DMBX1: variants seen among roughly 807,000 people sequenced by gnomAD.
DMBX1 encodes diencephalon/mesencephalon homeobox protein 1.
Under a neutral mutation model 30.4 loss-of-function variants are expected in DMBX1, and 7 were observed. The observed-to-expected ratio is 0.23, with a 90% CI of 0.13 to 0.43. DMBX1 has a LOEUF of 0.43. Ranked by LOEUF, DMBX1 falls within the 20% of genes least tolerant of loss-of-function variation. The pLI, the probability that DMBX1 is intolerant of heterozygous loss-of-function variation, is 1.00. For missense variants in DMBX1, 460 were observed against 508.5 expected, an observed-to-expected ratio of 0.90 and a Z score of 0.92; for synonymous variants, 222 against 214.2, an observed-to-expected ratio of 1.04 and a Z score of -0.32.
At chr1:46,511,379 A>G (rs1666368101) in intron 5 of DMBX1, 96 bp downstream of exon 5, 2 of 1,302,446 alleles carry the variant, frequency 1.5e-6, no homozygotes, top group South Asian at 1.6e-5. Flanking sequence ...CCTCAGGGGC[A>G]TGGCGCATCA....
At chr1:46,503,870 C>G (rs1325394425) in intron 2 of DMBX1, among the ~76,000 whole-genome samples, 1 of 152,190 alleles carries the variant, frequency 6.6e-6, no homozygotes, top group Non-Finnish European at 1.5e-5. Flanking sequence ...GATGCGGAGT[C>G]AATTCCAAAA....
Position 46,512,320 on chromosome 1 carries a change from A to C in DMBX1, c.960A>C (p.Ser320=). The C allele has an allele frequency of 6.2e-7, 1 of 1,613,670 alleles. No individual in the cohort carries two copies. Among genetic ancestry groups the C allele is most frequent in the Non-Finnish European group, 8.5e-7 (1 of 1,179,904 alleles). The change falls in exon 6 of 6, where the codon TCA becomes TCC. Residue 320 remains serine, a synonymous_variant. Coordinates refer to ENST00000360032, the MANE Select transcript of DMBX1 (RefSeq NM_172225.2). The surrounding 1 kb of genome is among the most constrained non-coding windows in gnomAD (Gnocchi z 4.8). ...GCCAGTCCTACTACCAGTCCCTGTC[A>C]GCAGCCGCTGCTGCCCACCAGGGTG... The part of the protein sequence containing the change: ...LHCQSYYQSL[S]AAAAAHQGVW...
intron 3 of DMBX1, among the ~76,000 whole-genome samples, chr1:46,508,054 A>T (rs1666274436): frequency 6.8e-6 from 1 of 146,624 alleles, no homozygotes; most frequent in Non-Finnish European, 1.5e-5. Context: ...GGTGGGTGAG[A>T]AAAGGATTCA....
intron 2 of DMBX1, among the ~76,000 whole-genome samples, chr1:46,503,631 G>T (rs12071150): frequency 6.6e-6 from 1 of 152,158 alleles, no homozygotes; most frequent in African/African-American, 2.4e-5. Flanking sequence ...GAATGTCTGC[G>T]TACGTGTATT....
In DMBX1 at chr1:46,491,064, T is replaced by C. The variant is rs1665920234; in HGVS notation, c.-13+281T>C. 6.6e-6 allele frequency among the ~76,000 whole-genome samples: 1 copy of C among 152,242 alleles called. No homozygotes were observed. Among genetic ancestry groups the C allele is most frequent in the African/African-American group, 2.4e-5 (1 of 41,472 alleles). On this transcript the variant is annotated intron_variant, in intron 2 of 5. Transcript: ENST00000360032. This position sits in a 1 kb window ranked among gnomAD's most constrained non-coding sequence, Gnocchi z 5.5. ...GTGCAGGGTCCCGGGCACCACCGGC[T>C]GAACTTTCTGGCGGTCACAAATTCC...
In DMBX1 at chr1:46,493,831, C is replaced by T. The variant is rs1665978638; in HGVS notation, c.-13+3048C>T. On this transcript the variant is annotated intron_variant, in intron 2 of 5. Coordinates refer to ENST00000360032, the MANE Select transcript of DMBX1 (RefSeq NM_172225.2). The surrounding 1 kb of genome is among the most constrained non-coding windows in gnomAD (Gnocchi z 4.1). The stretch of plus-strand genomic sequence containing the variant: ...CTGCGCCCGCAGGACAGACCCTCCT[C>T]CGAGTTCCTCCAGCCGTTTGGAGGC... Among the ~76,000 whole-genome samples, 1 of 152,254 alleles carries T rather than the reference C, an allele frequency of 6.6e-6. No individual in the cohort carries two copies.
intron 2 of DMBX1, among the ~76,000 whole-genome samples, chr1:46,499,720 C>T (rs892027073): frequency 2.6e-5 from 4 of 152,026 alleles, no homozygotes; most frequent in East Asian, 1.9e-4. Flanking sequence ...GGGCTGGGGG[C>T]GGGGTGGGTG....
At chr1:46,496,694 C>T (rs1171258683) in intron 2 of DMBX1, among the ~76,000 whole-genome samples, 1 of 152,188 alleles carries the variant, frequency 6.6e-6, no homozygotes, top group Non-Finnish European at 1.5e-5. Context: ...CCTTTTCGGC[C>T]TCCTTCACAC....
intron 2 of DMBX1, among the ~76,000 whole-genome samples, chr1:46,492,282 C>G (rs1486935857): frequency 6.6e-6 from 1 of 152,272 alleles, no homozygotes; most frequent in Non-Finnish European, 1.5e-5. Flanking sequence ...GTCCTAGCCA[C>G]TTTCACATGC....
chr1:46,501,447 A>AT (rs900521038), intron 2 of DMBX1, among the ~76,000 whole-genome samples: 23 of 149,988 alleles, frequency 1.5e-4, no homozygotes, highest in African/African-American at 5.7e-4. Context: ...CACCCGGCTA[A>AT]TTTTTTGTAT....
intron 2 of DMBX1, among the ~76,000 whole-genome samples, chr1:46,498,303 T>A (rs1257737592): frequency 6.6e-6 from 1 of 152,204 alleles, no homozygotes; most frequent in Non-Finnish European, 1.5e-5. Context: ...GCTGTGGTGG[T>A]CCTGCCTCCC....
At chr1:46,502,968 C>T (rs919988888) in intron 2 of DMBX1, among the ~76,000 whole-genome samples, 2 of 152,222 alleles carry the variant, frequency 1.3e-5, no homozygotes, top group African/African-American at 2.4e-5. Context: ...CCATCACACT[C>T]GGGATAAAAT....
chr1:46,500,711 A>G (rs927649117), intron 2 of DMBX1, among the ~76,000 whole-genome samples: 4 of 152,164 alleles, frequency 2.6e-5, no homozygotes, highest in Non-Finnish European at 5.9e-5. Context: ...AATGGATCGT[A>G]TCATGCATAC....
rs1296373023 is a variant in DMBX1 at position 46,512,543 on chromosome 1, C to T, written c.*49C>T. On this transcript the variant is annotated 3_prime_UTR_variant, in exon 6 of 6. Coordinates refer to ENST00000360032, the MANE Select transcript of DMBX1 (RefSeq NM_172225.2). This position sits in a 1 kb window ranked among gnomAD's most constrained non-coding sequence, Gnocchi z 4.8. ...GGGGTCTTAGGTGTCCCCTCCTAGCCCTGTGGTTATCCCTAGGTGGCTCTC... is the reference window on the plus strand; with the variant it reads ...GGGGTCTTAGGTGTCCCCTCCTAGCTCTGTGGTTATCCCTAGGTGGCTCTC... 6 of 1,556,736 alleles carry T rather than the reference C, an allele frequency of 3.9e-6. No homozygotes were observed. Among genetic ancestry groups the T allele is most frequent in the Non-Finnish European group, 5.2e-6 (6 of 1,148,894 alleles).
chr1:46,502,615 G>A (rs1666158784), intron 2 of DMBX1, among the ~76,000 whole-genome samples: 1 of 152,166 alleles, frequency 6.6e-6, no homozygotes, highest in South Asian at 2.1e-4. Context: ...GGCCAGGTGT[G>A]GTGGTTCACG....
At chr1:46,509,089 G>T (rs1362397334) in intron 3 of DMBX1, among the ~76,000 whole-genome samples, 1 of 151,590 alleles carries the variant, frequency 6.6e-6, no homozygotes, top group Admixed American at 6.6e-5. Context: ...TTTGCGGAGG[G>T]GGGATGGAGT....
At chr1:46,508,245 C>G (rs181259842) in intron 3 of DMBX1, among the ~76,000 whole-genome samples, 336 of 152,302 alleles carry the variant, frequency 2.2e-3, no homozygotes, top group Non-Finnish European at 4.2e-3. Context: ...GAGGGCACAA[C>G]AGGAGGGTAT....
At chr1:46,508,341 A>G (rs916301087) in intron 3 of DMBX1, among the ~76,000 whole-genome samples, 1 of 152,106 alleles carries the variant, frequency 6.6e-6, no homozygotes, top group African/African-American at 2.4e-5. Context: ...AGGGGCAGGA[A>G]CCAGGCCTCA....
In DMBX1 at chr1:46,510,252, G is replaced by A. The variant is rs1014555722; in HGVS notation, c.155-224G>A. Among the ~76,000 whole-genome samples the A allele has an allele frequency of 1.3e-5, 2 of 152,126 alleles. No homozygotes were observed. The highest frequency in any genetic ancestry group is 2.4e-5 in the African/African-American group (1 of 41,422). On this transcript the variant is annotated intron_variant, in intron 3 of 5. Coordinates refer to ENST00000360032, the MANE Select transcript of DMBX1 (RefSeq NM_172225.2). This position sits in a 1 kb window ranked among gnomAD's most constrained non-coding sequence, Gnocchi z 4.1. ...GCCTGACAGCCATTTTTGGAGTTGA[G>A]TTAGACCTCTGTGGTCCTGATAGTG...
Sources: allele counts gnomAD v4.1 joint callset (sites outside exome capture counted in the v4.1 genomes callset), GRCh38; gene constraint gnomAD v4.1.1; non-coding constraint Gnocchi (gnomAD v3.1); transcripts MANE v1.5; gene names NCBI Gene and HGNC (gene_info 2026-07-23, HGNC 2026-07-21).